Variants in FMNL2 observed in about 807,000 individuals in gnomAD.
FMNL2 encodes the protein formin-like protein 2.
A neutral mutation model predicts 130.2 loss-of-function variants in FMNL2; 51 were observed. That is an observed-to-expected ratio of 0.39 (90% CI 0.31 to 0.49). The LOEUF (loss-of-function observed/expected upper bound fraction) is 0.49. Ranked by LOEUF, FMNL2 falls within the 20% of genes least tolerant of loss-of-function variation. The pLI is 0.85. For missense variants in FMNL2, 977 were observed against 1,316.2 expected (o/e 0.74, Z 3.99); for synonymous variants, 465 against 467.1 (o/e 1.00, Z 0.06).
At chr2:152,513,352 A>G (rs772177745) in intron 1 of FMNL2, among the ~76,000 whole-genome samples, 4 of 152,198 alleles carry the variant, frequency 2.6e-5, no homozygotes, top group Non-Finnish European at 5.9e-5. Flanking sequence ...TAACTATACA[A>G]TACAGTATTG....
At position 152,448,615 on chromosome 2, in the gene FMNL2, C is replaced by A. The variant is rs529410787; in HGVS notation, c.118-73328C>A. Among the ~76,000 whole-genome samples, 5 of 152,248 alleles carry A rather than the reference C, an allele frequency of 3.3e-5. No individual in the cohort carries two copies. In the South Asian group the frequency reaches 1.0e-3, roughly 32 times the overall value. ...CTGTCAGTATGGCATAAAAGGAAAC[C>A]TTCTGTAAATTGAATACTATCTGAA... On this transcript the variant is annotated intron_variant, in intron 1 of 25. Transcript: ENST00000288670.
chr2:152,339,987 C>T (rs1391847464), intron 1 of FMNL2, among the ~76,000 whole-genome samples: 2 of 151,980 alleles, frequency 1.3e-5, no homozygotes, highest in Non-Finnish European at 2.9e-5. Context: ...TCGAGACCAG[C>T]CTGGGCAACA....
At chr2:152,374,178 G>A (rs570748602) in intron 1 of FMNL2, among the ~76,000 whole-genome samples, 1 of 152,120 alleles carries the variant, frequency 6.6e-6, no homozygotes, top group Admixed American at 6.5e-5. Context: ...TTAATAACAG[G>A]TGTAGCGTTA....
intron 3 of FMNL2, among the ~76,000 whole-genome samples, chr2:152,543,307 G>C (rs1694416883): frequency 6.6e-6 from 1 of 151,604 alleles, no homozygotes; most frequent in African/African-American, 2.4e-5. Flanking sequence ...GGTAAGTAGA[G>C]AATAGCTGAT....
rs1427067460 is a variant in FMNL2 at position 152,335,291 on chromosome 2, C to G, written c.-313C>G. The G allele has an allele frequency of 5.8e-6, 1 of 170,994 alleles. No individual in the cohort carries two copies. The highest frequency in any genetic ancestry group is 6.4e-5 in the Admixed American group (1 of 15,700). The allele number at this position is 170,994 out of a possible 1,614,324, so 10.6% of individuals were successfully genotyped here. On this transcript the variant is annotated 5_prime_UTR_variant, in exon 1 of 26. Coordinates refer to ENST00000288670, the MANE Select transcript of FMNL2 (RefSeq NM_052905.4). ...AGGAGGGACCACGCGCCGGGGGCCGCGATCTCTGGCAGGGGGCGGTGTGCC... is the reference window on the plus strand; with the variant it reads ...AGGAGGGACCACGCGCCGGGGGCCGGGATCTCTGGCAGGGGGCGGTGTGCC...
intron 1 of FMNL2, among the ~76,000 whole-genome samples, chr2:152,343,505 A>G (rs138684833): frequency 6.6e-6 from 1 of 152,266 alleles, no homozygotes; most frequent in Non-Finnish European, 1.5e-5. Flanking sequence ...CACATTGGCC[A>G]GGCTGGTCTT....
chr2:152,462,671 A>G (rs1371331324), intron 1 of FMNL2, among the ~76,000 whole-genome samples: 1 of 152,242 alleles, frequency 6.6e-6, no homozygotes, highest in African/African-American at 2.4e-5. Flanking sequence ...TACTACATAT[A>G]TACTCTTAAT....
intron 11 of FMNL2, among the ~76,000 whole-genome samples, chr2:152,614,169 T>C (rs747469807): frequency 1.3e-5 from 2 of 152,242 alleles, no homozygotes; most frequent in Admixed American, 1.3e-4. Context: ...TCTTTTCCAC[T>C]ACACAGATAC....
intron 25 of FMNL2, 30 bp from the exon 26 acceptor site, chr2:152,647,766 A>C: frequency 1.2e-6 from 2 of 1,603,858 alleles, no homozygotes; most frequent in Non-Finnish European, 1.7e-6. Flanking sequence ...AAAGGTTGCT[A>C]TTCTCTCACT....
chr2:152,354,834 C>T (rs1452945517), intron 1 of FMNL2, among the ~76,000 whole-genome samples: 3 of 152,156 alleles, frequency 2.0e-5, no homozygotes, highest in African/African-American at 7.2e-5. Flanking sequence ...TCTGTGTTCT[C>T]AGACCCTTAA....
chr2:152,595,246 A>G (rs1697698637), intron 9 of FMNL2, among the ~76,000 whole-genome samples: 1 of 152,186 alleles, frequency 6.6e-6, no homozygotes, highest in Non-Finnish European at 1.5e-5. Flanking sequence ...CGTGTCAAGA[A>G]CATGTTTAGC....
chr2:152,537,233 C>T (rs2577182), intron 2 of FMNL2, among the ~76,000 whole-genome samples: 55,004 of 152,116 alleles, frequency 0.36, 10,178 homozygotes, highest in East Asian at 0.54. Flanking sequence ...TGTCACAGCC[C>T]GTCACTTAGT....
intron 6 of FMNL2, among the ~76,000 whole-genome samples, chr2:152,572,826 C>T (rs1345874510): frequency 6.6e-6 from 1 of 150,510 alleles, no homozygotes; most frequent in Admixed American, 6.6e-5. Flanking sequence ...GTCATTTACT[C>T]ACATGGTAAT....
chr2:152,625,581 A>G lies in FMNL2; in HGVS notation c.1962+19A>G. 1 of 1,599,020 alleles carries G rather than the reference A, an allele frequency of 6.3e-7. No individual in the cohort carries two copies. The highest frequency in any genetic ancestry group is 8.6e-7 in the Non-Finnish European group (1 of 1,167,720). The stretch of plus-strand genomic sequence containing the variant: ...TCTGGAGGTATTTTTCTCATTGGTT[A>G]GAAACTAGAGGTGCACTCTGTGCAG... On this transcript the variant is annotated intron_variant, in intron 16 of 25. Transcript: ENST00000288670.
At chr2:152,341,261 C>T (rs932071527) in intron 1 of FMNL2, among the ~76,000 whole-genome samples, 1 of 152,132 alleles carries the variant, frequency 6.6e-6, no homozygotes, top group African/African-American at 2.4e-5. Flanking sequence ...GTTTTATTCT[C>T]CAAAGTGGGA....
intron 1 of FMNL2, among the ~76,000 whole-genome samples, chr2:152,425,925 G>T (rs1687178573): frequency 6.6e-6 from 1 of 152,112 alleles, no homozygotes; most frequent in Non-Finnish European, 1.5e-5. Flanking sequence ...ACACAGAGAG[G>T]GTTGCAGGAC....
At chr2:152,402,175 T>A (rs570308649) in intron 1 of FMNL2, among the ~76,000 whole-genome samples, 3 of 152,140 alleles carry the variant, frequency 2.0e-5, no homozygotes, top group African/African-American at 7.2e-5. Context: ...GTGCTGAGAT[T>A]ACAGGCGTGA....
intron 1 of FMNL2, among the ~76,000 whole-genome samples, chr2:152,501,717 T>C (rs901607968): frequency 6.6e-6 from 1 of 152,042 alleles, no homozygotes; most frequent in East Asian, 1.9e-4. Context: ...TTTTTTTTTT[T>C]AATTTTGAGT....
chr2:152,569,872 A>G (rs1696078552), intron 6 of FMNL2, among the ~76,000 whole-genome samples: 1 of 151,530 alleles, frequency 6.6e-6, no homozygotes, highest in Non-Finnish European at 1.5e-5. Context: ...TTAGCTTGGC[A>G]TGGTGGCACA....
Sources: gnomAD v4.1 joint callset for allele counts (sites outside exome capture counted in the v4.1 genomes callset) on GRCh38, gnomAD v4.1.1 for gene constraint, MANE v1.5 for transcripts, NCBI Gene and HGNC (gene_info 2026-07-23, HGNC 2026-07-21) for gene names.